The following JCAD variants were observed in gnomAD, a reference collection of about 807,000 sequenced individuals.
The protein encoded by JCAD is junctional cadherin 5-associated protein.
In JCAD, 40 loss-of-function variants were observed where a neutral mutation model predicts 98.0. The ratio of observed to expected loss-of-function variants is 0.41; its 90% CI spans 0.32 to 0.53. The LOEUF (loss-of-function observed/expected upper bound fraction) is 0.53. JCAD is among the 20% of genes least tolerant of loss of function. The pLI is 0.31. For synonymous variants in JCAD, 691 were observed against 682.3 expected (o/e 1.01, Z -0.20); for missense variants, 1,705 against 1,738.1 (o/e 0.98, Z 0.34).
intron 1 of JCAD, among the ~76,000 whole-genome samples, chr10:30,086,796 A>G (rs977239234): frequency 3.3e-5 from 5 of 152,238 alleles, no homozygotes; most frequent in Admixed American, 1.3e-4. Context: ...CCTTTTATAA[A>G]TAAAGAAGTT....
rs1042022364 is a variant in JCAD at position 30,014,417 on chromosome 10, C to T, written c.*3466G>A. On this transcript the variant is annotated 3_prime_UTR_variant, in exon 4 of 4. Coordinates refer to ENST00000375377, the MANE Select transcript of JCAD (RefSeq NM_020848.4). Reference sequence around the variant, plus strand: ...AGGACATGGGAAATGTTTCTCTAAGCTCAAATATGGATAGAAAGACAATTC... The same window carrying T: ...AGGACATGGGAAATGTTTCTCTAAGTTCAAATATGGATAGAAAGACAATTC... 6.6e-6 allele frequency: 1 copy of T among 152,118 alleles called. No individual in the cohort carries two copies. The highest frequency in any genetic ancestry group is 2.4e-5 in the African/African-American group (1 of 41,448). 9.4% of individuals were successfully genotyped at this position (152,118 alleles called of 1,614,324 possible).
rs1837648290 is a variant in JCAD at position 30,059,145 on chromosome 10, G to A, written c.-60+337C>T. Among the ~76,000 whole-genome samples the A allele has an allele frequency of 6.6e-6, 1 of 151,958 alleles. No individual in the cohort carries two copies. The highest frequency in any genetic ancestry group is 1.5e-5 in the Non-Finnish European group (1 of 67,878). On this transcript the variant is annotated intron_variant, in intron 1 of 3. Transcript: ENST00000375377. The surrounding 1 kb of genome is among the most constrained non-coding windows in gnomAD (Gnocchi z 5.0). The stretch of plus-strand genomic sequence containing the variant: ...GCCCCCCAGGCCCTCCGCGCGCCGA[G>A]GGGCGACGCGAGCGCTAACGCCAGC...
chr10:30,101,388 G>A (rs930386588), intron 1 of JCAD, among the ~76,000 whole-genome samples: 3 of 152,176 alleles, frequency 2.0e-5, no homozygotes, highest in African/African-American at 7.2e-5. Flanking sequence ...CAGCCTGGGT[G>A]ACAGAGCGAG....
In JCAD at chr10:30,028,923, C is replaced by T. The variant is rs372493161; in HGVS notation, c.1225G>A (p.Ala409Thr). ...VSPRLPQGLP[A>T]HPRPVTAYDG... Reference sequence around the variant, plus strand: ...TAGGCAGTGACAGGTCGGGGATGTGCGGGGAGCCCCTGAGGCAAGCGGGGG... The same window carrying T: ...TAGGCAGTGACAGGTCGGGGATGTGTGGGGAGCCCCTGAGGCAAGCGGGGG... Residue 409 changes from alanine to threonine, a missense_variant, in exon 3 of 4, where the codon GCA becomes ACA. Ala to Thr is a moderately conservative substitution (Grantham distance 58). Transcript: ENST00000375377. 8 of 1,613,898 alleles carry T rather than the reference C, an allele frequency of 5.0e-6. No homozygotes were observed. The highest frequency in any genetic ancestry group is 1.1e-5 in the South Asian group (1 of 91,074).
At chr10:30,084,801 C>G (rs919347482) in intron 1 of JCAD, among the ~76,000 whole-genome samples, 1 of 151,912 alleles carries the variant, frequency 6.6e-6, no homozygotes, top group Non-Finnish European at 1.5e-5. Flanking sequence ...ATCTATCTAT[C>G]TATCTATCTA....
chr10:30,091,999 G>T (rs1391144978), intron 1 of JCAD, among the ~76,000 whole-genome samples: 1 of 112,558 alleles, frequency 8.9e-6, no homozygotes, highest in African/African-American at 3.4e-5. Flanking sequence ...TTGCACTCCA[G>T]CCTGGGCAAC....
intron 1 of JCAD, among the ~76,000 whole-genome samples, chr10:30,084,644 G>T (rs943511885): frequency 6.6e-6 from 1 of 152,154 alleles, no homozygotes; most frequent in East Asian, 1.9e-4. Flanking sequence ...GCTCTTCCAG[G>T]TCTCAACCCT....
At chr10:30,103,772 C>A (rs1042088713) in intron 1 of JCAD, among the ~76,000 whole-genome samples, 8 of 137,128 alleles carry the variant, frequency 5.8e-5, no homozygotes, top group African/African-American at 2.2e-4. Context: ...TGTGTTGTTG[C>A]CCAAGCTGGA....
At position 30,059,276 on chromosome 10, in the gene JCAD, CG is replaced by C. The variant is rs1325485116; in HGVS notation, c.-60+205del. On this transcript the variant is annotated intron_variant, in intron 1 of 3. Coordinates refer to ENST00000375377, the MANE Select transcript of JCAD (RefSeq NM_020848.4). The surrounding 1 kb of genome is among the most constrained non-coding windows in gnomAD (Gnocchi z 5.0). ...CAGGCGCCCTCCACCCCGAGGCTGCCGGGCTAGGCACCGCGCGGGGGGCCCA... is the reference window on the plus strand; with the variant it reads ...CAGGCGCCCTCCACCCCGAGGCTGCCGGCTAGGCACCGCGCGGGGGGCCCA... Among the ~76,000 whole-genome samples the C allele has an allele frequency of 3.3e-5, 5 of 151,398 alleles. No homozygotes were observed. Among genetic ancestry groups the C allele is most frequent in the African/African-American group, 1.2e-4 (5 of 41,430 alleles).
chr10:30,034,282 C>T (rs1428855301), intron 2 of JCAD, among the ~76,000 whole-genome samples: 1 of 151,502 alleles, frequency 6.6e-6, no homozygotes, highest in Non-Finnish European at 1.5e-5. Flanking sequence ...CTACTTCTAC[C>T]CCCTGTTAAC....
Position 30,085,972 on chromosome 10 carries a change from G to A in JCAD, n.129-16151C>T, listed in dbSNP as rs534433264. Among the ~76,000 whole-genome samples the A allele has an allele frequency of 6.6e-5, 10 of 152,160 alleles. No homozygotes were observed. The East Asian group carries it at 1.2e-3, about 18-fold the overall frequency. ...TTGAAATGTTAAAATTCAAAATTAC[G>A]TGACAAATTGGGTGAGTTGCAGGCA... On this transcript the variant is annotated intron_variant and non_coding_transcript_variant, in intron 1 of 2. Coordinates refer to the JCAD transcript ENST00000465712.
intron 3 of JCAD, among the ~76,000 whole-genome samples, chr10:30,022,053 G>A (rs1836670389): frequency 6.6e-6 from 1 of 152,174 alleles, no homozygotes; most frequent in Non-Finnish European, 1.5e-5. Flanking sequence ...GAGGTTCTGT[G>A]TACGATCAAT....
At chr10:30,114,316 T>C (rs1041365133) in intron 1 of JCAD, among the ~76,000 whole-genome samples, 1 of 152,106 alleles carries the variant, frequency 6.6e-6, no homozygotes, top group African/African-American at 2.4e-5. Context: ...GAAACTGTCT[T>C]CCCCCAACCC....
chr10:30,051,152 G>C (rs747437260), intron 1 of JCAD, among the ~76,000 whole-genome samples: 1 of 152,058 alleles, frequency 6.6e-6, no homozygotes, highest in Non-Finnish European at 1.5e-5. Flanking sequence ...AAGAGAGAAG[G>C]CATGGTGGCA....
chr10:30,045,027 C>T (rs993357170), intron 2 of JCAD, among the ~76,000 whole-genome samples: 6 of 152,124 alleles, frequency 3.9e-5, no homozygotes, highest in East Asian at 1.9e-4. Context: ...CCAGATCTGT[C>T]GAGAACTCTG....
rs1589673297 is a variant in JCAD at position 30,018,567 on chromosome 10, T to C, written c.4046-650A>G. Among the ~76,000 whole-genome samples the C allele has an allele frequency of 3.3e-5, 5 of 152,234 alleles. No homozygotes were observed. The South Asian group carries it at 8.3e-4, about 25-fold the overall frequency. ...CACTGATCCATTCTACTGCCGTCAA[T>C]GGAAAAATCCCAATCTGTGCCCAGA... On this transcript the variant is annotated intron_variant, in intron 3 of 3. Coordinates refer to ENST00000375377, the MANE Select transcript of JCAD (RefSeq NM_020848.4).
At chr10:30,074,054 A>G (rs1412306277) in intron 1 of JCAD, among the ~76,000 whole-genome samples, 1 of 152,122 alleles carries the variant, frequency 6.6e-6, no homozygotes, top group Non-Finnish European at 1.5e-5. Context: ...GAGGGCAGTA[A>G]AAGCTGGCTT....
chr10:30,099,672 G>A (rs746851663), intron 1 of JCAD, among the ~76,000 whole-genome samples: 1 of 151,962 alleles, frequency 6.6e-6, no homozygotes, highest in Non-Finnish European at 1.5e-5. Flanking sequence ...TATGCCAAAT[G>A]CCATATACAA....
intron 2 of JCAD, among the ~76,000 whole-genome samples, chr10:30,034,281 C>T (rs1158208598): frequency 6.6e-6 from 1 of 151,796 alleles, no homozygotes; most frequent in Non-Finnish European, 1.5e-5. Context: ...TCTACTTCTA[C>T]CCCCTGTTAA....
Sources: gnomAD v4.1 joint callset for allele counts (sites outside exome capture counted in the v4.1 genomes callset) on GRCh38, gnomAD v4.1.1 for gene constraint, Gnocchi (gnomAD v3.1) non-coding constraint, MANE v1.5 for transcripts, NCBI Gene and HGNC (gene_info 2026-07-23, HGNC 2026-07-21) for gene names.